The following EIF2B4 variants were observed in gnomAD, a reference collection of about 807,000 sequenced individuals.
EIF2B4 encodes the protein translation initiation factor eIF2B subunit delta.
EIF2B4 carries 34 observed loss-of-function variants against 66.7 expected under a neutral mutation model. The observed-to-expected ratio is 0.51, with a 90% CI of 0.39 to 0.68. The LOEUF is 0.68. Among genes scored for constraint, EIF2B4 ranks in the 30% least tolerant of loss-of-function variants. The pLI, the probability that EIF2B4 is intolerant of heterozygous loss-of-function variation, is 0.00. For missense variants in EIF2B4, 618 were observed against 657.9 expected (o/e 0.94, Z 0.66); for synonymous variants, 278 against 253.6 (o/e 1.10, Z -0.92).
rs1050905285 is a variant in EIF2B4, at chr2:27,367,004, G to T, written c.1014-68C>A. The T allele has an allele frequency of 2.5e-6, 4 of 1,613,806 alleles. No individual in the cohort carries two copies. The Admixed American group carries it at 5.0e-5, about 20-fold the overall frequency. ...ACTGATGACTAACTTATTCCCAAAG[G>T]CAAGTGGGTAGTCCCTTCTTCAGAT... On this transcript the variant is annotated intron_variant, in intron 10 of 12. Transcript: ENST00000347454.
intron 1 of EIF2B4, 155 bp downstream of exon 1, chr2:27,370,129 G>A (rs1682290005): frequency 6.6e-7 from 1 of 1,523,676 alleles, no homozygotes; most frequent in Non-Finnish European, 8.8e-7. Flanking sequence ...ACCAGCCGGT[G>A]CGCGGCGCGG....
chr2:27,366,926 C>T lies in EIF2B4; in HGVS notation c.1024G>A (p.Val342Ile), dbSNP rs768087185. 2 of 1,614,150 alleles carry T rather than the reference C, an allele frequency of 1.2e-6. No individual in the cohort carries two copies. Among genetic ancestry groups the T allele is most frequent in the South Asian group, 2.2e-5 (2 of 91,078 alleles). Reference protein sequence around the residue: ...VILVYGCSSLVSRILQEAWTE... With the variant: ...VILVYGCSSLISRILQEAWTE... ...CAAGCCTCCTGAAGAATTCGTGATA[C>T]CAGAGATGAGCTAGAGTGAATGAAG... Residue 342 changes from valine (V) to isoleucine (I), a missense_variant, in exon 11 of 13, where the codon GTA (valine) becomes ATA (isoleucine). Physicochemically the swap from Val to Ile is conservative, Grantham distance 29. Transcript: ENST00000347454.
At chr2:27,368,244 C>A in intron 6 of EIF2B4, 105 bp from the exon 7 acceptor site, 1 of 1,298,060 alleles carries the variant, frequency 7.7e-7, no homozygotes, top group Non-Finnish European at 1.1e-6. Context: ...TTTCCCCACT[C>A]CTCTACAGTT....
At chr2:27,370,183 G>A in intron 1 of EIF2B4, 101 bp downstream of exon 1, 1 of 1,543,904 alleles carries the variant, frequency 6.5e-7, no homozygotes, top group South Asian at 1.2e-5. Flanking sequence ...GCGTGGCGCT[G>A]GAACGGAGCG....
At chr2:27,368,527 A>G (rs1361556943) in intron 5 of EIF2B4, 64 bp from the exon 6 acceptor site, 1 of 1,567,202 alleles carries the variant, frequency 6.4e-7, no homozygotes, top group Non-Finnish European at 8.8e-7. Context: ...TAAAGCTGGA[A>G]AGGAAGTGAA....
In EIF2B4 at chr2:27,364,494, G is replaced by T. The variant is rs768526271; in HGVS notation, c.1478C>A (p.Pro493His). ...RLLNLVYDVT[P>H]PELVDLVITE... is the part of the protein sequence containing the mutation. ...GATCACCAGATCCACAAGCTCTGGG[G>T]GAGTCACATCATAGACTAGATTCAA... Residue 493 changes from proline (P) to histidine (H), a missense_variant, in exon 13 of 13, where the codon CCC (proline) becomes CAC (histidine). Pro to His is a moderately conservative substitution (Grantham distance 77). Around this residue, in one of 4 missense-constraint regions of EIF2B4, gnomAD observed 63 missense variants for 47.5 expected, o/e 1.33. Coordinates refer to ENST00000347454, the MANE Select transcript of EIF2B4 (RefSeq NM_001034116.2). The T allele has an allele frequency of 6.2e-6, 10 of 1,614,194 alleles. No individual in the cohort carries two copies. The highest frequency in any genetic ancestry group is 8.5e-6 in the Non-Finnish European group (10 of 1,180,036).
rs1682236348 is a variant in EIF2B4, at chr2:27,369,865, G to GCC, written c.75+9_75+10dup. 1 of 1,572,160 alleles carries GCC rather than the reference G, an allele frequency of 6.4e-7. No individual in the cohort carries two copies. On this transcript the variant is annotated intron_variant, in intron 2 of 12. Coordinates refer to ENST00000347454, the MANE Select transcript of EIF2B4 (RefSeq NM_001034116.2). ...GCTTGGCAGGCGGCTTGGGAGGGAA[G>GCC]CCTCACTTACCCCAGGCCCAGGGGG...
In EIF2B4 at chr2:27,370,291, A is replaced by G. The variant is rs760688449; in HGVS notation, c.24T>C (p.Val8=). MAAVAVA[V]REDSGSGMKA... is the part of the protein sequence containing the mutation. The stretch of plus-strand genomic sequence containing the variant: ...GCCCGGCTCTTCACTCACCCTCGCG[A>G]ACAGCCACGGCCACAGCAGCCATCG... Residue 8 remains valine, a synonymous_variant, in exon 1 of 13, where the codon GTT becomes GTC. Transcript: ENST00000347454. The G allele has an allele frequency of 4.5e-5, 69 of 1,547,390 alleles. No individual in the cohort carries two copies. The highest frequency in any genetic ancestry group is 5.4e-5 in the Non-Finnish European group (62 of 1,148,950).
intron 6 of EIF2B4, 48 bp downstream of exon 6, chr2:27,368,324 C>A (rs369686466): frequency 6.5e-7 from 1 of 1,543,344 alleles, no homozygotes; most frequent in South Asian, 1.1e-5. Context: ...TACTGACTTA[C>A]TAAAACTCCT....
chr2:27,364,420 C>G lies in EIF2B4; in HGVS notation c.1552G>C (p.Val518Leu). Residue 518 changes from valine to leucine, a missense_variant, in exon 13 of 13, where the codon GTC (valine) becomes CTC (leucine). Physicochemically the swap from Val to Leu is conservative, Grantham distance 32. Transcript: ENST00000347454. ...PCSSVPVVLR[V>L]KSSDQ ...CCCCGTCACTGGTCACTGCTCTTGA[C>G]TCGTAGAACAACAGGTACAGAACTG... is the stretch of plus-strand genomic sequence containing the variant. 6 of 1,614,094 alleles carry G rather than the reference C, an allele frequency of 3.7e-6. No homozygotes were observed. Among genetic ancestry groups the G allele is most frequent in the Non-Finnish European group, 5.1e-6 (6 of 1,180,032 alleles).
At chr2:27,369,717 G>A (rs1250301162) in intron 2 of EIF2B4, 159 bp downstream of exon 2, 2 of 1,465,254 alleles carry the variant, frequency 1.4e-6, no homozygotes, top group Non-Finnish European at 1.9e-6. Flanking sequence ...TCTCCTCCAG[G>A]GACAGAATCA....
At position 27,369,522 on chromosome 2, in the gene EIF2B4, C is replaced by T. The variant is rs1682184534; in HGVS notation, c.103G>A (p.Glu35Lys). The part of the protein sequence containing the change: ...GAVGREMTKE[E>K]KLQLRKEKKQ... ...TTTTCCTTCCGAAGCTGCAGCTTTT[C>T]TTCTTTGGTCATTTCCCTCCCCACT... Residue 35 changes from glutamate to lysine, a missense_variant, in exon 3 of 13, where the codon GAA (glutamate) becomes AAA (lysine). By Grantham distance (56) the Glu-to-Lys change is moderately conservative. Transcript: ENST00000347454. 6.2e-7 allele frequency: 1 copy of T among 1,614,074 alleles called. No homozygotes were observed. The highest frequency in any genetic ancestry group is 1.3e-5 in the African/African-American group (1 of 74,924).
intron 2 of EIF2B4, 128 bp from the exon 3 acceptor site, chr2:27,369,677 T>C (rs1297365125): frequency 1.9e-6 from 3 of 1,545,680 alleles, no homozygotes; most frequent in African/African-American, 2.7e-5. Flanking sequence ...AGCTACCTGT[T>C]GCAAGCTTAC....
chr2:27,370,089 A>G (rs1475053676), intron 1 of EIF2B4, 170 bp from the exon 2 acceptor site: 15 of 1,509,652 alleles, frequency 9.9e-6, no homozygotes, highest in African/African-American at 1.4e-5. Flanking sequence ...GATCAAAGGA[A>G]TGGAGGGGTC....
At chr2:27,368,980 G>A in intron 4 of EIF2B4, 26 bp downstream of exon 4, 1 of 1,613,580 alleles carries the variant, frequency 6.2e-7, no homozygotes, top group Non-Finnish European at 8.5e-7. Context: ...AGGAGTAAGG[G>A]AGGTCTTAAA....
At position 27,369,422 on chromosome 2, in the gene EIF2B4, T is replaced by C. The variant is rs759281615; in HGVS notation, c.203A>G (p.Gln68Arg). The part of the protein sequence containing the change: ...PETGSAVSAA[Q>R]CQVGPTRELP... ...AGAGACCCCTCACTCACCTTGACAT[T>C]GGGCTGCAGATACAGCAGAGCCAGT... The change falls in exon 3 of 13, where the codon CAA becomes CGA. Residue 68 changes from glutamine to arginine, a missense_variant. Physicochemically the swap from Gln to Arg is conservative, Grantham distance 43 (BLOSUM62 1). Around this residue, in one of 4 missense-constraint regions of EIF2B4, gnomAD observed 506 missense variants for 511.9 expected, o/e 0.99. Coordinates refer to ENST00000347454, the MANE Select transcript of EIF2B4 (RefSeq NM_001034116.2). 1 of 1,614,130 alleles carries C rather than the reference T, an allele frequency of 6.2e-7. No homozygotes were observed. The highest frequency in any genetic ancestry group is 1.3e-5 in the African/African-American group (1 of 75,028).
rs371753289 is a variant in EIF2B4, at chr2:27,367,857, C to T, written c.706-35G>A. 114 of 1,595,388 alleles carry T rather than the reference C, an allele frequency of 7.1e-5. No homozygotes were observed. The highest frequency in any genetic ancestry group is 9.5e-5 in the Non-Finnish European group (110 of 1,163,182). On this transcript the variant is annotated intron_variant, in intron 7 of 12. Coordinates refer to ENST00000347454, the MANE Select transcript of EIF2B4 (RefSeq NM_001034116.2). ...ACACAAGGTGATCTGCAAAATACCC[C>T]TTAATAAAGATCTCTGAACGGGGGC...
chr2:27,364,772 T>C lies in EIF2B4; in HGVS notation c.1318A>G (p.Thr440Ala). 1 of 1,614,172 alleles carries C rather than the reference T, an allele frequency of 6.2e-7. No homozygotes were observed. Among genetic ancestry groups the C allele is most frequent in the South Asian group, 1.1e-5 (1 of 91,088 alleles). ...HNVPVLVCCE[T>A]YKFCERVQTD... ...TGCACACGCTCACAGAACTTGTATG[T>C]TTCACAGCAAACCAGCACTGGTACA... is the stretch of plus-strand genomic sequence containing the variant. Residue 440 changes from threonine (T) to alanine (A), a missense_variant, in exon 12 of 13, where the codon ACA becomes GCA. Coordinates refer to ENST00000347454, the MANE Select transcript of EIF2B4 (RefSeq NM_001034116.2).
chr2:27,368,175 A>C (rs768451187), intron 6 of EIF2B4, 36 bp from the exon 7 acceptor site: 11 of 1,527,384 alleles, frequency 7.2e-6, no homozygotes, highest in Non-Finnish European at 9.8e-6. Context: ...TTTGAAAGGG[A>C]GCTTGAGCAT....
Sources: gnomAD v4.1 joint callset for allele counts on GRCh38, gnomAD v4.1.1 for gene constraint, gnomAD v4.1.1 regional missense constraint, MANE v1.5 for transcripts, NCBI Gene and HGNC (gene_info 2026-07-23, HGNC 2026-07-21) for gene names.